Variants in TLE2 observed in about 807,000 individuals in gnomAD.
TLE2 encodes the protein TLE family member 2, transcriptional corepressor.
Under a neutral mutation model 97.2 loss-of-function variants are expected in TLE2, and 74 were observed. That is an observed-to-expected ratio of 0.76 (90% CI 0.63 to 0.92). TLE2 has a LOEUF of 0.92. TLE2 is among the 40% of genes least tolerant of loss of function. The probability of loss-of-function intolerance (pLI) is 0.00; values close to 1 mark genes in which losing one functional copy is unlikely to be tolerated. For synonymous variants in TLE2, 499 were observed against 432.1 expected, an observed-to-expected ratio of 1.15 and a Z score of -1.92; for missense variants, 1,038 against 1,008.7, an observed-to-expected ratio of 1.03 and a Z score of -0.39.
At position 3,001,797 on chromosome 19, in the gene TLE2, T is replaced by C. The variant is rs1012051704; in HGVS notation, c.2047+556A>G. 1.8e-3 allele frequency among the ~76,000 whole-genome samples: 257 copies of C among 146,132 alleles called. 1 individual carries two copies. The highest frequency in any genetic ancestry group is 3.1e-3 in the Non-Finnish European group (210 of 66,792). On this transcript the variant is annotated intron_variant, in intron 18 of 19. Coordinates refer to ENST00000262953, the MANE Select transcript of TLE2 (RefSeq NM_003260.5). ...GCTTAAATTTCTTTTCTTTCTTTTT[T>C]TTTTTTTTTTTTTTTTTAAGATAGA...
At chr19:3,042,413 G>C (rs1335873998) in intron 1 of TLE2, among the ~76,000 whole-genome samples, 59 of 87,022 alleles carry the variant, frequency 6.8e-4, no homozygotes, top group Non-Finnish European at 8.9e-4. Context: ...GGGTAAGGGG[G>C]CCTGGGAGGA....
intron 8 of TLE2, among the ~76,000 whole-genome samples, chr19:3,016,848 G>A (rs1177487409): frequency 1.3e-5 from 2 of 151,544 alleles, no homozygotes; most frequent in African/African-American, 2.4e-5. Flanking sequence ...GCGCAATCTC[G>A]GCTCACTGCA....
Position 3,009,654 on chromosome 19 carries a change from C to T in TLE2, c.1061G>A (p.Ser354Asn), listed in dbSNP as rs769513757. Residue 354 changes from serine (S) to asparagine (N), a missense_variant, in exon 13 of 20, where the codon AGC (serine) becomes AAC (asparagine). Transcript: ENST00000262953. ...GTTGAGAGTGCTGTGGGAGCCCAGGCTGAAGGACGTGGTGAAGGGACTGGA... is the reference window on the plus strand; with the variant it reads ...GTTGAGAGTGCTGTGGGAGCCCAGGTTGAAGGACGTGGTGAAGGGACTGGA... ...TLSSPFTTSFSLGSHSTLNGD... is the reference protein window; with the variant it reads ...TLSSPFTTSFNLGSHSTLNGD... The T allele has an allele frequency of 2.5e-6, 4 of 1,613,070 alleles. No individual in the cohort carries two copies. In the South Asian group the frequency reaches 4.4e-5, roughly 18 times the overall value.
chr19:3,027,725 G>A (rs1052589749), intron 4 of TLE2, 104 bp downstream of exon 4: 4 of 1,136,864 alleles, frequency 3.5e-6, no homozygotes, highest in Admixed American at 2.2e-5. Flanking sequence ...TGAGACCCGT[G>A]TTCCCTAGGT....
chr19:3,005,410 C>T (rs1205493284), intron 17 of TLE2, 27 bp downstream of exon 17: 13 of 1,610,314 alleles, frequency 8.1e-6, no homozygotes, highest in Non-Finnish European at 1.0e-5. Context: ...GAGCTTCCAT[C>T]CCCCTCCTGC....
upstream of TLE2, among the ~76,000 whole-genome samples, chr19:3,046,273 T>C (rs919208579): frequency 1.3e-5 from 2 of 152,074 alleles, no homozygotes; most frequent in Non-Finnish European, 2.9e-5. Flanking sequence ...TTTTATTTTC[T>C]CCCCCAAGAC....
At chr19:3,046,364 G>C (rs1002299935), upstream of TLE2, among the ~76,000 whole-genome samples, 2 of 152,238 alleles carry the variant, frequency 1.3e-5, no homozygotes, top group Admixed American at 6.5e-5. Context: ...CGGCCTGACT[G>C]TGAATGTCTA....
intron 17 of TLE2, among the ~76,000 whole-genome samples, chr19:3,004,206 C>A (rs1373177659): frequency 2.6e-5 from 4 of 152,108 alleles, no homozygotes; most frequent in African/African-American, 9.7e-5. Flanking sequence ...TGTAAAGACG[C>A]ATTGGGGGAC....
chr19:2,999,964 T>A (rs1392436091), intron 19 of TLE2, among the ~76,000 whole-genome samples: 1 of 144,806 alleles, frequency 6.9e-6, no homozygotes, highest in African/African-American at 2.6e-5. Context: ...ACCCGGGAGG[T>A]GGAGCTTGCA....
intron 18 of TLE2, 87 bp downstream of exon 18, chr19:3,002,259 CATTATTT>C: frequency 7.1e-7 from 1 of 1,414,740 alleles, no homozygotes; most frequent in Admixed American, 2.6e-5. Flanking sequence ...ATATAAATAA[CATTATTT>C]GTTATTTATC....
intron 18 of TLE2, among the ~76,000 whole-genome samples, chr19:3,001,510 G>C (rs1169971714): frequency 6.6e-6 from 1 of 151,986 alleles, no homozygotes; most frequent in Non-Finnish European, 1.5e-5. Context: ...AAAAGAGATA[G>C]GGTCTCACTG....
intron 4 of TLE2, among the ~76,000 whole-genome samples, chr19:3,027,018 T>C (rs1012413426): frequency 6.7e-6 from 1 of 150,308 alleles, no homozygotes; most frequent in African/African-American, 2.4e-5. Flanking sequence ...CCCTGAGGTC[T>C]ATCTCAGAAC....
At chr19:3,010,970 T>G (rs1273535432) in intron 12 of TLE2, 52 bp downstream of exon 12, 1 of 1,557,246 alleles carries the variant, frequency 6.4e-7, no homozygotes, top group East Asian at 2.4e-5. Flanking sequence ...TTCCTAGATC[T>G]CCCCAGAGAC....
At position 3,028,310 on chromosome 19, in the gene TLE2, T is replaced by G; in HGVS notation, c.186+9A>C. 6.2e-7 allele frequency: 1 copy of G among 1,605,774 alleles called. No individual in the cohort carries two copies. Among genetic ancestry groups the G allele is most frequent in the Non-Finnish European group, 8.5e-7 (1 of 1,176,064 alleles). On this transcript the variant is annotated intron_variant, in intron 3 of 19. Coordinates refer to ENST00000262953, the MANE Select transcript of TLE2 (RefSeq NM_003260.5). Reference sequence around the variant, plus strand: ...TCTCCCCTCACCCTGGCATCATAAGTGCCCTCACCATGACATAATGTCGCT... The same window carrying G: ...TCTCCCCTCACCCTGGCATCATAAGGGCCCTCACCATGACATAATGTCGCT...
At chr19:3,036,614 C>T (rs539887820) in intron 1 of TLE2, among the ~76,000 whole-genome samples, 47 of 152,326 alleles carry the variant, frequency 3.1e-4, no homozygotes, top group Non-Finnish European at 3.8e-4. Flanking sequence ...TGGCGGTGTG[C>T]CCCCCGGAAA....
At chr19:3,040,991 T>TTATATATATATATATATGTATATA (rs2090095959) in intron 1 of TLE2, among the ~76,000 whole-genome samples, 1 of 29,732 alleles carries the variant, frequency 3.4e-5, no homozygotes, top group Non-Finnish European at 5.7e-5. Flanking sequence ...CTGCTGCCAT[T>TTATATATATATATATATGTATATA]TATATATATA....
chr19:3,006,240 AG>A, intron 15 of TLE2, 179 bp downstream of exon 15: 1 of 1,128,882 alleles, frequency 8.9e-7, no homozygotes, highest in Non-Finnish European at 1.3e-6. Flanking sequence ...GATTGGCCAG[AG>A]CCCCACCCCT....
intron 19 of TLE2, among the ~76,000 whole-genome samples, chr19:2,998,372 G>A (rs1277139401): frequency 6.6e-6 from 1 of 151,544 alleles, no homozygotes; most frequent in Non-Finnish European, 1.5e-5. Context: ...CCGCCTCCCA[G>A]GTTCAGGCAA....
intron 11 of TLE2, 97 bp from the exon 12 acceptor site, chr19:3,011,257 G>C: frequency 7.4e-7 from 1 of 1,350,346 alleles, no homozygotes; most frequent in Non-Finnish European, 9.9e-7. Context: ...GCCAGTCGCA[G>C]TGTCTCACAC....
Sources: allele counts gnomAD v4.1 joint callset (sites outside exome capture counted in the v4.1 genomes callset), GRCh38; gene constraint gnomAD v4.1.1; transcripts MANE v1.5; gene names NCBI Gene and HGNC (gene_info 2026-07-23, HGNC 2026-07-21).